Variants in HLA-F observed in about 807,000 individuals in gnomAD.
HLA-F encodes the protein HLA class I histocompatibility antigen, alpha chain F.
HLA-F carries 46 observed loss-of-function variants against 49.5 expected under a neutral mutation model. That is an observed-to-expected ratio of 0.93 (90% confidence interval 0.73 to 1.19). The LOEUF is 1.19. HLA-F is among the 50% of genes most tolerant of loss of function. The pLI is 0.00. For missense variants in HLA-F, 496 were observed against 579.6 expected (o/e 0.86, Z 1.48); for synonymous variants, 203 against 233.5 (o/e 0.87, Z 1.19).
intron 4 of HLA-F, 67 bp from the exon 5 acceptor site, chr6:29,725,380 A>G (rs1017966686): frequency 5.6e-6 from 9 of 1,609,714 alleles, no homozygotes; most frequent in Non-Finnish European, 7.6e-6. Flanking sequence ...GCCCTTCTGG[A>G]GCTCTTCAGC....
chr6:29,724,364 G>C lies in HLA-F; in HGVS notation c.526G>C (p.Glu176Gln). Residue 176 changes from glutamate (E) to glutamine (Q), a missense_variant, in exon 3 of 7, where the codon GAG (glutamate) becomes CAG (glutamine). Coordinates refer to ENST00000259951, the MANE Select transcript of HLA-F (RefSeq NM_001098479.2). ...CTATGAGGCAGAGGAATATGCAGAGGAGTTCAGGACCTACCTGGAGGGCGA... is the reference window on the plus strand; with the variant it reads ...CTATGAGGCAGAGGAATATGCAGAGCAGTTCAGGACCTACCTGGAGGGCGA... ...RFYEAEEYAE[E>Q]FRTYLEGECL... The C allele has an allele frequency of 6.2e-7, 1 of 1,613,236 alleles. No homozygotes were observed. The highest frequency in any genetic ancestry group is 8.5e-7 in the Non-Finnish European group (1 of 1,180,038).
At chr6:29,732,406 C>A (rs1610601) in intron 3 of HLA-F, among the ~76,000 whole-genome samples, 30,806 of 152,172 alleles carry the variant, frequency 0.2, 3,338 homozygotes, top group South Asian at 0.32. Flanking sequence ...ACCTCCTTAT[C>A]TGAGATGGGA....
At chr6:29,729,923 C>T (rs138545510), downstream of HLA-F, among the ~76,000 whole-genome samples, 35 of 152,222 alleles carry the variant, frequency 2.3e-4, 1 homozygote, top group East Asian at 4.8e-3. Context: ...CAAGTGTTGG[C>T]GAAGATGTGG....
At position 29,727,176 on chromosome 6, in the gene HLA-F, G is replaced by C; in HGVS notation, c.*1G>C. ...GGTCCAGATTAAGATTTTTGACTGAGTCATTCTAAAGTAAGTTGCAAGACC... is the reference window on the plus strand; with the variant it reads ...GGTCCAGATTAAGATTTTTGACTGACTCATTCTAAAGTAAGTTGCAAGACC... On this transcript the variant is annotated 3_prime_UTR_variant, in exon 7 of 7. Coordinates refer to ENST00000259951, the MANE Select transcript of HLA-F (RefSeq NM_001098479.2). 1 of 1,572,448 alleles carries C rather than the reference G, an allele frequency of 6.4e-7. No homozygotes were observed. Among genetic ancestry groups the C allele is most frequent in the Non-Finnish European group, 8.6e-7 (1 of 1,164,686 alleles).
chr6:29,737,253 C>T (rs572109389), intron 3 of HLA-F, among the ~76,000 whole-genome samples: 5 of 115,076 alleles, frequency 4.3e-5, no homozygotes, highest in South Asian at 6.8e-4. Context: ...CCTGAATAGA[C>T]GCAAACCTCT....
At chr6:29,733,525 G>A (rs1021027749) in intron 3 of HLA-F, among the ~76,000 whole-genome samples, 1 of 152,210 alleles carries the variant, frequency 6.6e-6, no homozygotes, top group African/African-American at 2.4e-5. Context: ...GGCTGAGATG[G>A]GAGAATCACT....
chr6:29,727,606 G>C (rs1776230187), downstream of HLA-F, among the ~76,000 whole-genome samples: 1 of 152,072 alleles, frequency 6.6e-6, no homozygotes, highest in Admixed American at 6.6e-5. Flanking sequence ...TTAAACATTT[G>C]GCAGCAATGT....
intron 3 of HLA-F, among the ~76,000 whole-genome samples, chr6:29,737,404 GA>G (rs1777212087): frequency 6.6e-6 from 1 of 152,000 alleles, no homozygotes; most frequent in Non-Finnish European, 1.5e-5. Flanking sequence ...AATAAATGAG[GA>G]TAAAAATATA....
downstream of HLA-F, among the ~76,000 whole-genome samples, chr6:29,727,637 G>A (rs772476276): frequency 1.4e-4 from 21 of 152,120 alleles, no homozygotes; most frequent in East Asian, 3.8e-4. Context: ...AGCTGTGACC[G>A]CACATTCATC....
At chr6:29,732,621 AT>A (rs1388594280) in intron 3 of HLA-F, among the ~76,000 whole-genome samples, 2 of 151,672 alleles carry the variant, frequency 1.3e-5, no homozygotes, top group African/African-American at 4.8e-5. Flanking sequence ...AATTTTTTGT[AT>A]TTTTTAGTAC....
chr6:29,726,314 T>G, intron 6 of HLA-F: 2 of 1,398,066 alleles, frequency 1.4e-6, no homozygotes, highest in Non-Finnish European at 2.0e-6. Flanking sequence ...TTTCTTTGAC[T>G]TGGATGTCTT....
intron 3 of HLA-F, among the ~76,000 whole-genome samples, chr6:29,724,672 G>A (rs1385698073): frequency 6.7e-6 from 1 of 149,362 alleles, no homozygotes; most frequent in Non-Finnish European, 1.5e-5. Flanking sequence ...GGGAATGGAG[G>A]GAAGACAGTC....
chr6:29,725,907 C>A, intron 5 of HLA-F, 104 bp from the exon 6 acceptor site: 5 of 1,264,262 alleles, frequency 4.0e-6, no homozygotes, highest in Non-Finnish European at 3.4e-6. Context: ...TCTACAGTTA[C>A]ACTTTTCTGG....
chr6:29,736,785 C>T, intron 3 of HLA-F: 1 of 164,838 alleles, frequency 6.1e-6, no homozygotes, highest in Non-Finnish European at 1.3e-5. Context: ...GTCAGGTGCT[C>T]AGCTTTATAA....
intron 4 of HLA-F, 36 bp downstream of exon 4, chr6:29,725,342 G>A: frequency 1.9e-6 from 3 of 1,613,200 alleles, no homozygotes; most frequent in Non-Finnish European, 2.5e-6. Flanking sequence ...GGAACGAGGG[G>A]TCATGTCTTT....
downstream of HLA-F, among the ~76,000 whole-genome samples, chr6:29,731,246 TAGATA>T (rs1776575353): frequency 6.6e-6 from 1 of 151,246 alleles, no homozygotes; most frequent in South Asian, 2.1e-4. Context: ...GATAGATAGA[TAGATA>T]GATAGATAGA....
rs775501761 is a variant in HLA-F at position 29,726,473 on chromosome 6, C to A, written c.1037-410C>A. ...GTAGCAGAATTGCACTTGTGCCTCA[C>A]GAACATACATAAATTTTAAAAATAA... On this transcript the variant is annotated intron_variant, in intron 6 of 6. Transcript: ENST00000259951. The A allele has an allele frequency of 1.1e-5, 17 of 1,596,020 alleles. No individual in the cohort carries two copies. The African/African-American group carries it at 1.9e-4, about 18-fold the overall frequency.
chr6:29,726,431 A>C (rs1175946478), intron 6 of HLA-F: 2 of 1,611,370 alleles, frequency 1.2e-6, no homozygotes, highest in Admixed American at 1.7e-5. Context: ...TGTGGGACTG[A>C]GAAGCAAGAT....
chr6:29,737,995 T>C (rs1736911), intron 3 of HLA-F: 132,471 of 152,306 alleles, frequency 0.87, 58,000 homozygotes, highest in East Asian at 0.99. Context: ...CAGTCAGAGC[T>C]TCTTCTCTGC....
Sources: allele counts gnomAD v4.1 joint callset (sites outside exome capture counted in the v4.1 genomes callset), GRCh38; gene constraint gnomAD v4.1.1; transcripts MANE v1.5; gene names NCBI Gene and HGNC (gene_info 2026-07-23, HGNC 2026-07-21).